The following RPL28 variants were observed in gnomAD, a reference collection of about 807,000 sequenced individuals.
The protein encoded by RPL28 is ribosomal protein L28.
In RPL28, 4 loss-of-function variants were observed where a neutral mutation model predicts 12.5. That is an observed-to-expected ratio of 0.32 (90% confidence interval 0.16 to 0.73). The LOEUF is 0.73. RPL28 is among the 30% of genes least tolerant of loss of function. The pLI, the probability that RPL28 is intolerant of heterozygous loss-of-function variation, is 0.66. For synonymous variants in RPL28, 91 were observed against 72.5 expected, an observed-to-expected ratio of 1.26 and a Z score of -1.30; for missense variants, 214 against 197.7, an observed-to-expected ratio of 1.08 and a Z score of -0.49.
At chr19:55,401,176 CAG>C (rs1231142406) in intron 4 of RPL28, 34 of 540,470 alleles carry the variant, frequency 6.3e-5, no homozygotes, top group Middle Eastern at 4.8e-4. Context: ...CCCACTGCTG[CAG>C]TCCATGAGGC....
In RPL28 at chr19:55,387,497, C is replaced by A. The variant is rs115409763; in HGVS notation, c.206-433C>A. On this transcript the variant is annotated intron_variant, in intron 3 of 4. Transcript: ENST00000344063. ...TGGATTGCCGAATACATGGGTGGCC[C>A]TTCCTAGACTAAGGGACTGGCCTGA... 1.4e-3 allele frequency: 2,049 copies of A among 1,453,006 alleles called. 31 individuals are homozygous for A. The African/African-American group carries it at 0.026, about 18-fold the overall frequency. The allele number at this position is 1,453,006 out of a possible 1,614,324, so 90.0% of individuals were successfully genotyped here. A position where few individuals can be genotyped will look rare whatever the true frequency, so the allele number is the denominator to read the frequency against.
In RPL28 at chr19:55,390,138, T is replaced by A. The variant is rs1232245868; in HGVS notation, c.*1806T>A. 28 of 985,456 alleles carry A rather than the reference T, an allele frequency of 2.8e-5. No homozygotes were observed. The highest frequency in any genetic ancestry group is 3.3e-5 in the Non-Finnish European group (27 of 829,950). 61.0% of individuals were successfully genotyped at this position (985,456 alleles called of 1,614,324 possible). On this transcript the variant is annotated 3_prime_UTR_variant, in exon 5 of 5. Transcript: ENST00000344063. ...AAGGGGTTTGTCTAGCACACCAGCA[T>A]ATAATGAGATGCTTGATGAATGGTG...
intron 3 of RPL28, chr19:55,387,173 G>A: frequency 1.5e-6 from 2 of 1,310,720 alleles, no homozygotes; most frequent in East Asian, 5.0e-5. Flanking sequence ...ACATTGTGCT[G>A]TCAGGTGCAG....
Position 55,391,415 on chromosome 19 carries a change from CTT to C in RPL28, c.*3084_*3085del, listed in dbSNP as rs1160473551. 2 of 1,306,972 alleles carry C rather than the reference CTT, an allele frequency of 1.5e-6. No individual in the cohort carries two copies. Among genetic ancestry groups the C allele is most frequent in the African/African-American group, 3.0e-5 (2 of 66,180 alleles). The allele number at this position is 1,306,972 out of a possible 1,614,324, so 81.0% of individuals were successfully genotyped here. ...AGTGTTCACTGCTGTCTCTCCAGCT[CTT>C]AGTCCAGTAGCTGCATGGTGAGTGA... On this transcript the variant is annotated 3_prime_UTR_variant, in exon 5 of 5. Coordinates refer to ENST00000344063, the MANE Select transcript of RPL28 (RefSeq NM_000991.5).
At chr19:55,393,290 T>G, downstream of RPL28, among the ~76,000 whole-genome samples, 1 of 112,562 alleles carries the variant, frequency 8.9e-6, no homozygotes, top group African/African-American at 3.3e-5. Context: ...GCCCAAACCT[T>G]TCTCTAGGGC....
chr19:55,389,115 C>T lies in RPL28; in HGVS notation c.*783C>T, dbSNP rs1200801450. ...CCTCTTGTTTCCTTTGGCCTGTTTG[C>T]TCCCTAGTGTTTATTACAGCTTGTG... On this transcript the variant is annotated 3_prime_UTR_variant, in exon 5 of 5. Transcript: ENST00000344063. The T allele has an allele frequency of 2.0e-6, 2 of 985,410 alleles. No homozygotes were observed. Among genetic ancestry groups the T allele is most frequent in the Non-Finnish European group, 1.2e-6 (1 of 830,014 alleles). 61.0% of individuals were successfully genotyped at this position (985,410 alleles called of 1,614,324 possible).
chr19:55,397,983 A>G (rs112026658), intron 4 of RPL28, among the ~76,000 whole-genome samples: 15,065 of 151,986 alleles, frequency 0.099, 1,163 homozygotes, highest in African/African-American at 0.2. Context: ...ATCACTTGAG[A>G]CCAGGAGTTC....
rs563574755 is a variant in RPL28, at chr19:55,391,285, C to G, written c.*2953C>G. Reference sequence around the variant, plus strand: ...TCCCAGCTCTGCCAGTTATGCCCAGCTGTGGGGACTTGGGCAGCTCGTTTA... The same window carrying G: ...TCCCAGCTCTGCCAGTTATGCCCAGGTGTGGGGACTTGGGCAGCTCGTTTA... On this transcript the variant is annotated 3_prime_UTR_variant, in exon 5 of 5. Transcript: ENST00000344063. The G allele has an allele frequency of 4.2e-6, 2 of 477,210 alleles. No homozygotes were observed. Among genetic ancestry groups the G allele is most frequent in the Non-Finnish European group, 6.2e-6 (2 of 321,060 alleles). The allele number at this position is 477,210 out of a possible 1,614,324, so 29.6% of individuals were successfully genotyped here. A position where few individuals can be genotyped will look rare whatever the true frequency, so the allele number is the denominator to read the frequency against.
chr19:55,389,396 A>G lies in RPL28; in HGVS notation c.*1064A>G, dbSNP rs2089967651. On this transcript the variant is annotated 3_prime_UTR_variant, in exon 5 of 5. Transcript: ENST00000344063. The stretch of plus-strand genomic sequence containing the variant: ...GGAAAGAGTCCTGCTGTTGATCCTC[A>G]CATGTTTCCTGGGCACCTAACTCTG... 1.0e-5 allele frequency: 10 copies of G among 985,360 alleles called. No homozygotes were observed. In the South Asian group the frequency reaches 4.7e-4, roughly 46 times the overall value. The allele number at this position is 985,360 out of a possible 1,614,324, so 61.0% of individuals were successfully genotyped here.
In RPL28 at chr19:55,391,656, A is replaced by G. The variant is rs774121588; in HGVS notation, c.*3324A>G. On this transcript the variant is annotated 3_prime_UTR_variant, in exon 5 of 5. Coordinates refer to ENST00000344063, the MANE Select transcript of RPL28 (RefSeq NM_000991.5). ...GTGTCTTCGTACCCTCATCTGTAAC[A>G]TGCGTGTCGATAGACCCTACTACTC... 42 of 1,545,302 alleles carry G rather than the reference A, an allele frequency of 2.7e-5. 1 individual carries two copies. Among genetic ancestry groups the G allele is most frequent in the South Asian group, 3.6e-5 (3 of 83,936 alleles).
Position 55,390,065 on chromosome 19 carries a change from A to G in RPL28, c.*1733A>G, listed in dbSNP as rs2089976071. The G allele has an allele frequency of 1.0e-6, 1 of 985,512 alleles. No individual in the cohort carries two copies. The highest frequency in any genetic ancestry group is 1.7e-5 in the African/African-American group (1 of 57,364). 61.0% of individuals were successfully genotyped at this position (985,512 alleles called of 1,614,324 possible). ...CCTCCACAGCACTGATTTGCAGCCC[A>G]CAAGCTGGCAGGTTTATCTGTCTCA... On this transcript the variant is annotated 3_prime_UTR_variant, in exon 5 of 5. Coordinates refer to ENST00000344063, the MANE Select transcript of RPL28 (RefSeq NM_000991.5).
At chr19:55,401,868 T>A (rs1213752057) in intron 4 of RPL28, 1 of 1,221,992 alleles carries the variant, frequency 8.2e-7, no homozygotes, top group Non-Finnish European at 1.2e-6. Flanking sequence ...TGCTCCCAAC[T>A]CAGCTGCAGA....
intron 1 of RPL28, 153 bp downstream of exon 1, chr19:55,386,118 C>T (rs978769918): frequency 3.9e-5 from 21 of 543,838 alleles, no homozygotes; most frequent in African/African-American, 1.7e-4. Context: ...AAGTTATTTT[C>T]CCCTCACTCT....
intron 3 of RPL28, chr19:55,387,531 GGGCC>G: frequency 7.0e-7 from 1 of 1,434,158 alleles, no homozygotes. Flanking sequence ...GAGTGAGGCT[GGGCC>G]TCTCAGCCAA....
intron 3 of RPL28, chr19:55,387,542 C>G: frequency 7.0e-7 from 1 of 1,430,794 alleles, no homozygotes; most frequent in Non-Finnish European, 9.1e-7. Context: ...GGCCTCTCAG[C>G]CAAGCTGATG....
At chr19:55,395,660 G>C (rs570704234), downstream of RPL28, among the ~76,000 whole-genome samples, 4 of 151,006 alleles carry the variant, frequency 2.6e-5, no homozygotes, top group African/African-American at 7.3e-5. Flanking sequence ...AGCCAGGATG[G>C]TCTCAATCTC....
chr19:55,386,985 C>A, intron 3 of RPL28: 1 of 1,442,468 alleles, frequency 6.9e-7, no homozygotes, highest in African/African-American at 1.4e-5. Flanking sequence ...ATGAAATTCT[C>A]AAAGCAAGTC....
chr19:55,387,041 C>T (rs752735838), intron 3 of RPL28: 20 of 1,442,392 alleles, frequency 1.4e-5, no homozygotes, highest in South Asian at 1.3e-4. Flanking sequence ...AAGATTGAGG[C>T]ACAACAGGGG....
At chr19:55,395,239 C>T (rs1353511711), downstream of RPL28, among the ~76,000 whole-genome samples, 2 of 152,012 alleles carry the variant, frequency 1.3e-5, no homozygotes, top group African/African-American at 2.4e-5. Flanking sequence ...TGGGTTCAAG[C>T]GATTCTTCTG....
Sources: allele counts gnomAD v4.1 joint callset (sites outside exome capture counted in the v4.1 genomes callset), GRCh38; gene constraint gnomAD v4.1.1; transcripts MANE v1.5; gene names NCBI Gene and HGNC (gene_info 2026-07-23, HGNC 2026-07-21).